Variants in INSYN2A observed in about 807,000 individuals in gnomAD.
INSYN2A encodes the protein inhibitory synaptic factor 2A, also known as family with sequence similarity 196 member A.
In INSYN2A, 17 loss-of-function variants were observed where a neutral mutation model predicts 39.4. That is an observed-to-expected ratio of 0.43 (90% CI 0.30 to 0.65). INSYN2A has a LOEUF of 0.65. INSYN2A is among the 30% of genes least tolerant of loss of function. INSYN2A has a pLI of 0.14. For missense variants in INSYN2A, 595 were observed against 631.2 expected (o/e 0.94, Z 0.61); for synonymous variants, 255 against 265.7 (o/e 0.96, Z 0.39).
chr10:127,182,014 G>A (rs1036847662), intron 2 of INSYN2A, among the ~76,000 whole-genome samples: 1 of 152,124 alleles, frequency 6.6e-6, no homozygotes, highest in Non-Finnish European at 1.5e-5. Context: ...GACCAAAAAG[G>A]GGTGACTGGA....
intron 5 of INSYN2A, 141 bp from the exon 6 acceptor site, chr10:127,138,161 A>C (rs926258074): frequency 2.8e-6 from 2 of 723,184 alleles, no homozygotes; most frequent in African/African-American, 1.8e-5. Flanking sequence ...TCGATATACT[A>C]TGTTTTAGCT....
rs571712212 is a variant in INSYN2A at position 127,181,195 on chromosome 10, C to T, written c.-268-4056G>A. On this transcript the variant is annotated intron_variant, in intron 2 of 5. Coordinates refer to ENST00000522781, the MANE Select transcript of INSYN2A (RefSeq NM_001039762.3). ...GTATGTATATATGCATAGGTATATACGTGCCTGCGTATGTATTTGGCTATG... is the reference window on the plus strand; with the variant it reads ...GTATGTATATATGCATAGGTATATATGTGCCTGCGTATGTATTTGGCTATG... Among the ~76,000 whole-genome samples the T allele has an allele frequency of 3.6e-3, 541 of 152,256 alleles. 4 individuals are homozygous for T. Among genetic ancestry groups the T allele is most frequent in the African/African-American group, 0.012 (509 of 41,544 alleles).
At position 127,137,979 on chromosome 10, in the gene INSYN2A, G is replaced by A. The variant is rs768162499; in HGVS notation, c.1298C>T (p.Pro433Leu). The A allele has an allele frequency of 9.3e-6, 15 of 1,613,214 alleles. No individual in the cohort carries two copies. Among genetic ancestry groups the A allele is most frequent in the Admixed American group, 1.7e-5 (1 of 59,806 alleles). ...AATAGGGTGGAGTTTTCTTAGAACC[G>A]GCTGGAGTTTGTCTTCTTGCTGCTT... is the stretch of plus-strand genomic sequence containing the variant. ...DFKQQEDKLQ[P>L]VLRKLHPIEE... The change falls in exon 6 of 6, where the codon CCG becomes CTG. Residue 433 changes from proline (P) to leucine (L), a missense_variant. Physicochemically the swap from Pro to Leu is moderately conservative, Grantham distance 98. This residue lies in a region of INSYN2A where 117 missense variants were observed against 163.8 expected (regional missense o/e 0.71). Transcript: ENST00000522781.
At chr10:127,150,150 T>C (rs1030659763) in intron 5 of INSYN2A, among the ~76,000 whole-genome samples, 1 of 152,210 alleles carries the variant, frequency 6.6e-6, no homozygotes, top group African/African-American at 2.4e-5. Context: ...TCCGAGATGC[T>C]GTGGCCACCC....
chr10:127,168,503 G>A (rs1046483402), intron 4 of INSYN2A, among the ~76,000 whole-genome samples: 2 of 152,214 alleles, frequency 1.3e-5, no homozygotes, highest in Non-Finnish European at 2.9e-5. Flanking sequence ...ACGGCACTCA[G>A]TATTCCAGAG....
At chr10:127,190,431 A>C (rs1478974573) in intron 2 of INSYN2A, among the ~76,000 whole-genome samples, 1 of 152,134 alleles carries the variant, frequency 6.6e-6, no homozygotes, top group Non-Finnish European at 1.5e-5. Flanking sequence ...TAGCAAAATC[A>C]CTGGCTAGGT....
At chr10:127,164,871 A>T (rs1048921851) in intron 4 of INSYN2A, among the ~76,000 whole-genome samples, 2 of 152,226 alleles carry the variant, frequency 1.3e-5, no homozygotes, top group Admixed American at 1.3e-4. Context: ...GATGACAATG[A>T]TACAAACAAG....
Position 127,175,160 on chromosome 10 carries a change from T to A in INSYN2A, c.1184+52A>T. ...CTTGGGTTTGGGGCTACAGATGGAC[T>A]CTGTGGTGATCAGCCTGCATAGCTT... On this transcript the variant is annotated intron_variant, in intron 4 of 5. Transcript: ENST00000522781. This position sits in a 1 kb window ranked among gnomAD's most constrained non-coding sequence, Gnocchi z 6.3. The A allele has an allele frequency of 6.8e-7, 1 of 1,474,764 alleles. No individual in the cohort carries two copies. Among genetic ancestry groups the A allele is most frequent in the Non-Finnish European group, 9.3e-7 (1 of 1,072,184 alleles). 91.4% of individuals were successfully genotyped at this position (1,474,764 alleles called of 1,614,324 possible). A position where few individuals can be genotyped will look rare whatever the true frequency, so the allele number is the denominator to read the frequency against.
At chr10:127,172,409 T>C (rs1217918220) in intron 4 of INSYN2A, among the ~76,000 whole-genome samples, 1 of 152,178 alleles carries the variant, frequency 6.6e-6, no homozygotes, top group Non-Finnish European at 1.5e-5. Flanking sequence ...CTGTCACTCC[T>C]GGGACTCTGT....
At chr10:127,189,834 AAAT>A (rs1268866983) in intron 2 of INSYN2A, among the ~76,000 whole-genome samples, 1 of 152,174 alleles carries the variant, frequency 6.6e-6, no homozygotes, top group East Asian at 1.9e-4. Context: ...AAAAAGACAA[AAAT>A]AATCTTTATG....
rs147129820 is a variant in INSYN2A, at chr10:127,189,169, G to C, written c.-269+3436C>G. Reference sequence around the variant, plus strand: ...ATCACCACCAGAAGGTTCCAACCTTGAGTGGCTGATTAAAAACTGTACGGT... The same window carrying C: ...ATCACCACCAGAAGGTTCCAACCTTCAGTGGCTGATTAAAAACTGTACGGT... On this transcript the variant is annotated intron_variant, in intron 2 of 5. Coordinates refer to ENST00000522781, the MANE Select transcript of INSYN2A (RefSeq NM_001039762.3). Among the ~76,000 whole-genome samples the C allele has an allele frequency of 8.2e-3, 1,253 of 152,336 alleles. 70 individuals carry two copies. The highest frequency in any genetic ancestry group is 0.078 in the Admixed American group (1,188 of 15,304).
rs1208731111 is a variant in INSYN2A at position 127,176,030 on chromosome 10, G to A, written c.366C>T (p.Arg122=). ...GGAGGCTTTTGAGGTTCCCCTTTTTGCGGTCCAGAGGGAACGTCTGGTAAC... is the reference window on the plus strand; with the variant it reads ...GGAGGCTTTTGAGGTTCCCCTTTTTACGGTCCAGAGGGAACGTCTGGTAAC... The part of the protein sequence containing the change: ...KKCYQTFPLD[R]KKGNLKSLPA... Residue 122 remains arginine, a synonymous_variant, in exon 4 of 6, where the codon CGC becomes CGT. Coordinates refer to ENST00000522781, the MANE Select transcript of INSYN2A (RefSeq NM_001039762.3). The surrounding 1 kb of genome is among the most constrained non-coding windows in gnomAD (Gnocchi z 4.4). 2.5e-6 allele frequency: 4 copies of A among 1,614,020 alleles called. No homozygotes were observed. In the Admixed American group the frequency reaches 6.7e-5, roughly 27 times the overall value.
chr10:127,159,995 C>T (rs1206095289), intron 4 of INSYN2A, among the ~76,000 whole-genome samples: 1 of 152,160 alleles, frequency 6.6e-6, no homozygotes, highest in Non-Finnish European at 1.5e-5. Context: ...AGAGAAAGAT[C>T]ACTGCAAGCT....
chr10:127,148,195 G>A (rs1325680687), intron 5 of INSYN2A, among the ~76,000 whole-genome samples: 1 of 152,140 alleles, frequency 6.6e-6, no homozygotes. Context: ...ATCCAGTCAG[G>A]TTCCAAGCCC....
chr10:127,136,109 C>A lies in INSYN2A; in HGVS notation c.*1728G>T, dbSNP rs1431675576. ...TGTTTCCGCAGAGGATGTGTGTGTG[C>A]ACATGTGTGTTTTAAATTAAAGCAT... On this transcript the variant is annotated 3_prime_UTR_variant, in exon 6 of 6. Coordinates refer to ENST00000522781, the MANE Select transcript of INSYN2A (RefSeq NM_001039762.3). The A allele has an allele frequency of 6.6e-6, 1 of 152,290 alleles. No individual in the cohort carries two copies. The highest frequency in any genetic ancestry group is 1.5e-5 in the Non-Finnish European group (1 of 68,022). The allele number at this position is 152,290 out of a possible 1,614,324, so 9.4% of individuals were successfully genotyped here. A position where few individuals can be genotyped will look rare whatever the true frequency, so the allele number is the denominator to read the frequency against.
At chr10:127,189,984 A>G (rs2056599490) in intron 2 of INSYN2A, among the ~76,000 whole-genome samples, 1 of 152,216 alleles carries the variant, frequency 6.6e-6, no homozygotes, top group Admixed American at 6.5e-5. Context: ...TGCTGGCCCG[A>G]TGAACTCTCC....
rs1278664256 is a variant in INSYN2A at position 127,175,871 on chromosome 10, G to C, written c.525C>G (p.Phe175Leu). 1 of 1,614,176 alleles carries C rather than the reference G, an allele frequency of 6.2e-7. No individual in the cohort carries two copies. Among genetic ancestry groups the C allele is most frequent in the Non-Finnish European group, 8.5e-7 (1 of 1,180,034 alleles). Residue 175 changes from phenylalanine to leucine, a missense_variant, in exon 4 of 6, where the codon TTC (phenylalanine) becomes TTG (leucine). Physicochemically the swap from Phe to Leu is conservative, Grantham distance 22. Transcript: ENST00000522781. This position sits in a 1 kb window ranked among gnomAD's most constrained non-coding sequence, Gnocchi z 6.3. ...GRVHKTTALV[F>L]HSNQHMNTVD... ...CTGTGTTCATGTGTTGGTTGGAATG[G>C]AAAACCAAGGCTGTGGTCTTGTGCA...
intron 5 of INSYN2A, chr10:127,146,057 G>T (rs1592216124): frequency 5.8e-6 from 3 of 518,226 alleles, no homozygotes; most frequent in Non-Finnish European, 1.2e-5. Flanking sequence ...AGACATCGTG[G>T]CCAGGACTGC....
chr10:127,189,988 A>C (rs1458297494), intron 2 of INSYN2A, among the ~76,000 whole-genome samples: 2 of 151,948 alleles, frequency 1.3e-5, no homozygotes, highest in Admixed American at 1.3e-4. Context: ...GGCCCGATGA[A>C]CTCTCCAGTT....
Sources: allele counts gnomAD v4.1 joint callset (sites outside exome capture counted in the v4.1 genomes callset), GRCh38; gene constraint gnomAD v4.1.1; regional missense constraint gnomAD v4.1.1; non-coding constraint Gnocchi (gnomAD v3.1); transcripts MANE v1.5; gene names NCBI Gene and HGNC (gene_info 2026-07-23, HGNC 2026-07-21).